DNAJC11: variants seen among roughly 807,000 people sequenced by gnomAD.
The protein encoded by DNAJC11 is DnaJ heat shock protein family (Hsp40) member C11.
DNAJC11 carries 15 observed loss-of-function variants against 78.6 expected under a neutral mutation model. The ratio of observed to expected loss-of-function variants is 0.19; its 90% CI spans 0.13 to 0.29. The LOEUF (loss-of-function observed/expected upper bound fraction) is 0.29, where lower values mean the gene tolerates loss of function less well. Ranked by LOEUF, DNAJC11 falls within the 10% of genes least tolerant of loss-of-function variation. The pLI, the probability that DNAJC11 is intolerant of heterozygous loss-of-function variation, is 1.00. For synonymous variants in DNAJC11, 292 were observed against 272.1 expected, an observed-to-expected ratio of 1.07 and a Z score of -0.72; for missense variants, 547 against 709.6, an observed-to-expected ratio of 0.77 and a Z score of 2.60.
chr1:6,642,065 A>G (rs968800243), intron 10 of DNAJC11, among the ~76,000 whole-genome samples: 5 of 152,190 alleles, frequency 3.3e-5, no homozygotes, highest in Non-Finnish European at 7.3e-5. Flanking sequence ...ATTTATCTGC[A>G]GACTGAGAAA....
At chr1:6,652,098 G>T (rs1380303697) in intron 6 of DNAJC11, among the ~76,000 whole-genome samples, 1 of 152,218 alleles carries the variant, frequency 6.6e-6, no homozygotes, top group Non-Finnish European at 1.5e-5. Context: ...CACCCGCACA[G>T]CCTTGGAAGT....
intron 7 of DNAJC11, among the ~76,000 whole-genome samples, chr1:6,648,719 G>A (rs1429630233): frequency 6.6e-6 from 1 of 152,182 alleles, no homozygotes; most frequent in Non-Finnish European, 1.5e-5. Context: ...GCCTCCTAAA[G>A]TGCTGGGATT....
intron 10 of DNAJC11, among the ~76,000 whole-genome samples, chr1:6,644,322 T>C (rs1459599425): frequency 2.0e-5 from 3 of 152,156 alleles, no homozygotes; most frequent in Admixed American, 2.0e-4. Flanking sequence ...TCAGTAGAGA[T>C]GGGGTTTCAC....
Position 6,680,861 on chromosome 1 carries a change from A to AGG in DNAJC11, c.202+46_202+47insCC. ...TACAAATCGCACCTCCTAAAAATCG[A>AGG]ATATCTGTTACCAGGATGTTTCTAC... On this transcript the variant is annotated intron_variant, in intron 2 of 15. Coordinates refer to ENST00000377577, the MANE Select transcript of DNAJC11 (RefSeq NM_018198.4). The surrounding 1 kb of genome is among the most constrained non-coding windows in gnomAD (Gnocchi z 4.0). 1 of 1,598,226 alleles carries AGG rather than the reference A, an allele frequency of 6.3e-7. No individual in the cohort carries two copies. Among genetic ancestry groups the AGG allele is most frequent in the Admixed American group, 1.7e-5 (1 of 58,376 alleles).
chr1:6,646,147 G>A (rs902166340), intron 7 of DNAJC11, among the ~76,000 whole-genome samples, 169 bp from the exon 8 acceptor site: 1 of 151,944 alleles, frequency 6.6e-6, no homozygotes, highest in Non-Finnish European at 1.5e-5. Flanking sequence ...CACACAGAGG[G>A]GGAGGGTCCT....
At position 6,653,178 on chromosome 1, in the gene DNAJC11, G is replaced by A. The variant is rs1249993068; in HGVS notation, c.508-227C>T. ...ATATGCTTTGCAAAAGCTTTAATGG[G>A]CACATTTCACAACACCAGGGGAAAC... On this transcript the variant is annotated intron_variant, in intron 5 of 15. Coordinates refer to ENST00000377577, the MANE Select transcript of DNAJC11 (RefSeq NM_018198.4). The surrounding 1 kb of genome is among the most constrained non-coding windows in gnomAD (Gnocchi z 4.5). Among the ~76,000 whole-genome samples the A allele has an allele frequency of 6.6e-6, 1 of 152,124 alleles. No individual in the cohort carries two copies. The highest frequency in any genetic ancestry group is 2.4e-5 in the African/African-American group (1 of 41,410).
chr1:6,690,359 C>G (rs1477873594), intron 1 of DNAJC11, among the ~76,000 whole-genome samples: 2 of 152,176 alleles, frequency 1.3e-5, no homozygotes, highest in Non-Finnish European at 2.9e-5. Flanking sequence ...CCATGCACTC[C>G]CACTTCATTC....
intron 1 of DNAJC11, among the ~76,000 whole-genome samples, chr1:6,693,450 C>T (rs866640279): frequency 1.3e-4 from 19 of 151,918 alleles, no homozygotes; most frequent in South Asian, 8.3e-4. Context: ...GTGGTGCGAT[C>T]TTGCTTCACT....
chr1:6,639,010 C>T (rs956530692), intron 11 of DNAJC11, among the ~76,000 whole-genome samples: 1 of 152,102 alleles, frequency 6.6e-6, no homozygotes, highest in African/African-American at 2.4e-5. Context: ...CCAGACGGGC[C>T]CAGAAGAGGA....
chr1:6,697,009 C>T (rs1400580643), intron 1 of DNAJC11, among the ~76,000 whole-genome samples: 1 of 152,218 alleles, frequency 6.6e-6, no homozygotes, highest in Non-Finnish European at 1.5e-5. Context: ...GTAAATTTAA[C>T]TCTGATTTAT....
chr1:6,639,353 C>G (rs536906838), intron 11 of DNAJC11, among the ~76,000 whole-genome samples: 11 of 147,752 alleles, frequency 7.4e-5, no homozygotes, highest in African/African-American at 2.7e-4. Context: ...TTTTTGAGAC[C>G]GAGTCTTGCT....
Position 6,652,910 on chromosome 1 carries a change from G to A in DNAJC11, c.549C>T (p.Ser183=). The A allele has an allele frequency of 6.2e-7, 1 of 1,614,174 alleles. No individual in the cohort carries two copies. Among genetic ancestry groups the A allele is most frequent in the Non-Finnish European group, 8.5e-7 (1 of 1,180,034 alleles). ...CTCCATTTCCATTCTGGGTTGAGAGGCTTCCAGAGAGGATGGCTGTGTCTG... is the reference window on the plus strand; with the variant it reads ...CTCCATTTCCATTCTGGGTTGAGAGACTTCCAGAGAGGATGGCTGTGTCTG... ...TATDTAILSG[S]LSTQNGNGGG... is the part of the protein sequence containing the mutation. The change falls in exon 6 of 16, where the codon AGC becomes AGT. Residue 183 remains serine (S), a synonymous_variant. Transcript: ENST00000377577.
intron 14 of DNAJC11, 59 bp downstream of exon 14, chr1:6,637,139 C>A: frequency 6.2e-7 from 1 of 1,601,344 alleles, no homozygotes; most frequent in Non-Finnish European, 8.5e-7. Context: ...CCTGAGTCAC[C>A]GCGCCCAGCC....
intron 1 of DNAJC11, among the ~76,000 whole-genome samples, chr1:6,686,287 G>C (rs1246574542): frequency 6.6e-6 from 1 of 152,040 alleles, no homozygotes; most frequent in East Asian, 1.9e-4. Context: ...AGAATGTAAA[G>C]GAATCCTAAC....
intron 14 of DNAJC11, among the ~76,000 whole-genome samples, 174 bp downstream of exon 14, chr1:6,637,024 C>T (rs953657160): frequency 2.0e-5 from 3 of 152,136 alleles, no homozygotes; most frequent in Non-Finnish European, 4.4e-5. Flanking sequence ...GATTTTTTCT[C>T]TTTTTTGTAG....
chr1:6,661,416 T>C (rs1232161327), intron 4 of DNAJC11, among the ~76,000 whole-genome samples: 2 of 152,214 alleles, frequency 1.3e-5, no homozygotes, highest in Non-Finnish European at 2.9e-5. Context: ...TGAGCGATTA[T>C]GCTGACATGA....
intron 2 of DNAJC11, among the ~76,000 whole-genome samples, chr1:6,679,187 G>A (rs1159814981): frequency 6.6e-6 from 1 of 152,112 alleles, no homozygotes; most frequent in Non-Finnish European, 1.5e-5. Flanking sequence ...TTCTAAAGAA[G>A]CTTGCTATAA....
chr1:6,663,512 A>G (rs1642249409), intron 4 of DNAJC11, among the ~76,000 whole-genome samples: 1 of 152,226 alleles, frequency 6.6e-6, no homozygotes, highest in African/African-American at 2.4e-5. Flanking sequence ...ACACAGAACG[A>G]CACTGTTACA....
At chr1:6,697,773 A>T (rs1420496219) in intron 1 of DNAJC11, among the ~76,000 whole-genome samples, 1 of 151,948 alleles carries the variant, frequency 6.6e-6, no homozygotes, top group Non-Finnish European at 1.5e-5. Context: ...TGACATTTCT[A>T]TATTAATCCA....
Sources: allele counts gnomAD v4.1 joint callset (sites outside exome capture counted in the v4.1 genomes callset), GRCh38; gene constraint gnomAD v4.1.1; non-coding constraint Gnocchi (gnomAD v3.1); transcripts MANE v1.5; gene names NCBI Gene and HGNC (gene_info 2026-07-23, HGNC 2026-07-21).